The following ZNF536 variants were observed in gnomAD, a reference collection of about 807,000 sequenced individuals.
The protein encoded by ZNF536 is zinc finger protein 536.
ZNF536 carries 13 observed loss-of-function variants against 84.5 expected under a neutral mutation model. The observed-to-expected ratio is 0.15, with a 90% CI of 0.10 to 0.24. The LOEUF is 0.24. Among genes scored for constraint, ZNF536 ranks in the 10% least tolerant of loss-of-function variants. ZNF536 has a pLI of 1.00. For missense variants in ZNF536, 1,536 were observed against 1,747.5 expected (o/e 0.88, Z 2.16); for synonymous variants, 811 against 742.5 (o/e 1.09, Z -1.50).
intron 1 of ZNF536, among the ~76,000 whole-genome samples, chr19:30,426,728 A>C (rs2051230455): frequency 6.6e-6 from 1 of 152,154 alleles, no homozygotes; most frequent in South Asian, 2.1e-4. Context: ...TCCTATACAC[A>C]GGACATGATG....
At chr19:30,544,335 A>G (rs1232141733) in intron 3 of ZNF536, among the ~76,000 whole-genome samples, 1 of 152,152 alleles carries the variant, frequency 6.6e-6, no homozygotes, top group African/African-American at 2.4e-5. Flanking sequence ...GTGCATTCAG[A>G]AAACCCTTGA....
At chr19:30,335,690 A>G (rs1357094588) in intron 2 of ZNF536, among the ~76,000 whole-genome samples, 1 of 152,092 alleles carries the variant, frequency 6.6e-6, no homozygotes, top group Non-Finnish European at 1.5e-5. Context: ...TGCGAGTGCC[A>G]CTTCCTCCAT....
At chr19:30,651,715 G>C (rs1006405866) in intron 1 of ZNF536, among the ~76,000 whole-genome samples, 4 of 152,112 alleles carry the variant, frequency 2.6e-5, no homozygotes, top group African/African-American at 9.7e-5. Flanking sequence ...AGAATTGTTG[G>C]GTATCGTATG....
intron 1 of ZNF536, among the ~76,000 whole-genome samples, chr19:30,436,961 C>T (rs1437421226): frequency 6.6e-6 from 1 of 152,100 alleles, no homozygotes; most frequent in Non-Finnish European, 1.5e-5. Context: ...GCAGTTTCAC[C>T]CACGTCGATG....
intron 2 of ZNF536, among the ~76,000 whole-genome samples, chr19:30,331,590 C>T (rs974653136): frequency 5.9e-5 from 9 of 152,280 alleles, no homozygotes; most frequent in Middle Eastern, 3.4e-3. Flanking sequence ...ATGCATCCAA[C>T]AGGCTGGACT....
At chr19:30,474,172 A>T (rs2053752971) in intron 2 of ZNF536, among the ~76,000 whole-genome samples, 1 of 152,158 alleles carries the variant, frequency 6.6e-6, no homozygotes. Context: ...AGGTGTGTTT[A>T]GTGGATGTTG....
chr19:30,304,922 A>C (rs535328078), intron 2 of ZNF536, among the ~76,000 whole-genome samples: 8 of 152,234 alleles, frequency 5.3e-5, no homozygotes, highest in Non-Finnish European at 1.0e-4. Context: ...GACAGTTTGC[A>C]AAGATGCCTC....
At chr19:30,267,673 T>C (rs1327269135) in intron 1 of ZNF536, among the ~76,000 whole-genome samples, 1 of 152,136 alleles carries the variant, frequency 6.6e-6, no homozygotes, top group Admixed American at 6.5e-5. Flanking sequence ...ATCTCCTGAC[T>C]CCCTGTCTGC....
At chr19:30,271,294 C>CTT (rs879683203) in intron 1 of ZNF536, among the ~76,000 whole-genome samples, 20,058 of 100,534 alleles carry the variant, frequency 0.2, 2,159 homozygotes, top group East Asian at 0.36. Context: ...GTGTTTTTTT[C>CTT]TTTTCTTTTT....
intron 1 of ZNF536, among the ~76,000 whole-genome samples, chr19:30,706,215 T>C (rs1487760703): frequency 6.6e-6 from 1 of 152,190 alleles, no homozygotes; most frequent in African/African-American, 2.4e-5. Context: ...CTGGGCGCGG[T>C]GGCTCACGCC....
intron 2 of ZNF536, among the ~76,000 whole-genome samples, chr19:30,289,594 G>A (rs1292917531): frequency 1.3e-5 from 2 of 152,204 alleles, no homozygotes; most frequent in Non-Finnish European, 2.9e-5. Flanking sequence ...GCCCAGGGGT[G>A]CTTCTCTCTT....
At chr19:30,334,839 G>A (rs1025014516) in intron 2 of ZNF536, among the ~76,000 whole-genome samples, 6 of 152,152 alleles carry the variant, frequency 3.9e-5, no homozygotes, top group Middle Eastern at 3.2e-3. Flanking sequence ...ACCTCAGATC[G>A]TCAAGCATTA....
At chr19:30,528,294 C>A (rs868308099) in intron 2 of ZNF536, among the ~76,000 whole-genome samples, 1 of 152,020 alleles carries the variant, frequency 6.6e-6, no homozygotes, top group Non-Finnish European at 1.5e-5. Context: ...AGGCTGCCAG[C>A]GAGTTGGGAT....
At chr19:30,712,433 A>AC (rs2052481624) in exon 2 of ZNF536, 1 of 152,078 alleles carries the variant, frequency 6.6e-6, no homozygotes, top group Admixed American at 6.6e-5. Context: ...AGACTTAAAA[A>AC]AAAAAAAAAG....
At chr19:30,612,761 C>G (rs377309769) in intron 1 of ZNF536, among the ~76,000 whole-genome samples, 9 of 152,302 alleles carry the variant, frequency 5.9e-5, no homozygotes, top group African/African-American at 2.2e-4. Flanking sequence ...ATGCTAACGT[C>G]TTACCTTCCC....
chr19:30,705,285 C>T (rs1206072982), intron 1 of ZNF536, among the ~76,000 whole-genome samples: 2 of 151,456 alleles, frequency 1.3e-5, no homozygotes, highest in Admixed American at 1.3e-4. Context: ...CTCATGGGAG[C>T]CTTTCAGCAA....
chr19:30,633,360 A>G (rs2048956553), intron 1 of ZNF536, among the ~76,000 whole-genome samples: 1 of 152,246 alleles, frequency 6.6e-6, no homozygotes. Context: ...ACGTGGGAAG[A>G]TTGAATTAAT....
chr19:30,376,179 C>T (rs2048812622), intron 1 of ZNF536, among the ~76,000 whole-genome samples: 1 of 152,110 alleles, frequency 6.6e-6, no homozygotes. Context: ...GGCAGTTGTC[C>T]CTGAGGAAAT....
At chr19:30,385,269 G>A (rs1243479552) in intron 1 of ZNF536, among the ~76,000 whole-genome samples, 3 of 152,102 alleles carry the variant, frequency 2.0e-5, no homozygotes, top group East Asian at 3.9e-4. Flanking sequence ...TCTAGCAACC[G>A]CCCAGAGACT....
Sources: allele counts gnomAD v4.1 joint callset (sites outside exome capture counted in the v4.1 genomes callset), GRCh38; gene constraint gnomAD v4.1.1; transcripts MANE v1.5; gene names NCBI Gene and HGNC (gene_info 2026-07-23, HGNC 2026-07-21).